ZFPM2: variants seen among roughly 807,000 people sequenced by gnomAD.
The protein encoded by ZFPM2 is zinc finger protein, FOG family member 2.
ZFPM2 carries 20 observed loss-of-function variants against 98.6 expected under a neutral mutation model. That is an observed-to-expected ratio of 0.20 (90% CI 0.14 to 0.29). The LOEUF is 0.29. Ranked by LOEUF, ZFPM2 falls within the 10% of genes least tolerant of loss-of-function variation. ZFPM2 has a pLI of 1.00. For missense variants in ZFPM2, 1,310 were observed against 1,388.6 expected, an observed-to-expected ratio of 0.94 and a Z score of 0.90; for synonymous variants, 518 against 502.7, an observed-to-expected ratio of 1.03 and a Z score of -0.41.
chr8:105,713,342 C>G (rs554329479), intron 5 of ZFPM2, among the ~76,000 whole-genome samples: 72 of 152,062 alleles, frequency 4.7e-4, no homozygotes, highest in Non-Finnish European at 9.6e-4. Flanking sequence ...AGTATTTGTT[C>G]ATGTCCTTTG....
intron 2 of ZFPM2, among the ~76,000 whole-genome samples, chr8:105,442,861 A>G (rs776930032): frequency 9.9e-5 from 15 of 151,364 alleles, no homozygotes; most frequent in Non-Finnish European, 1.5e-4. Context: ...AAAATTCTGT[A>G]TTTTCTAAGT....
At chr8:105,706,078 A>G (rs1811252909) in intron 5 of ZFPM2, among the ~76,000 whole-genome samples, 1 of 152,114 alleles carries the variant, frequency 6.6e-6, no homozygotes, top group South Asian at 2.1e-4. Flanking sequence ...ATTTATCCCC[A>G]TTTTATTGAT....
At chr8:105,646,861 A>C (rs1817058154) in intron 5 of ZFPM2, among the ~76,000 whole-genome samples, 1 of 152,126 alleles carries the variant, frequency 6.6e-6, no homozygotes. Context: ...CAGATGTCAT[A>C]TTAGCACCTG....
At chr8:105,798,653 A>G in intron 6 of ZFPM2, 71 bp from the exon 7 acceptor site, 1 of 1,386,244 alleles carries the variant, frequency 7.2e-7, no homozygotes, top group Non-Finnish European at 1.0e-6. Context: ...AAATTGAACT[A>G]AATGCTGCTT....
At chr8:105,641,863 G>A (rs9656867) in intron 5 of ZFPM2, among the ~76,000 whole-genome samples, 31,039 of 151,988 alleles carry the variant, frequency 0.2, 3,167 homozygotes, top group South Asian at 0.25. Flanking sequence ...TAGATGTGCT[G>A]TCCTATTTTG....
In ZFPM2 at chr8:105,465,107, A is replaced by G. The variant is rs558629213; in HGVS notation, c.301+20726A>G. Among the ~76,000 whole-genome samples, 5 of 152,012 alleles carry G rather than the reference A, an allele frequency of 3.3e-5. No homozygotes were observed. In the East Asian group the frequency reaches 9.7e-4, roughly 29 times the overall value. ...ATTTCACTTTCACTGAGTATACCAG[A>G]GTGATAATGACTGTAGGTAAGGAAA... On this transcript the variant is annotated intron_variant, in intron 3 of 7. Coordinates refer to ENST00000407775, the MANE Select transcript of ZFPM2 (RefSeq NM_012082.4).
At chr8:105,438,669 A>G (rs1255072778) in intron 2 of ZFPM2, among the ~76,000 whole-genome samples, 7 of 152,236 alleles carry the variant, frequency 4.6e-5, no homozygotes, top group Admixed American at 3.9e-4. Context: ...TGGAATGAAT[A>G]AGGGAGAACT....
intron 1 of ZFPM2, among the ~76,000 whole-genome samples, chr8:105,404,009 A>G (rs1402677887): frequency 3.3e-5 from 5 of 150,944 alleles, no homozygotes; most frequent in African/African-American, 9.9e-5. Flanking sequence ...AACAACAACA[A>G]CAACAACAAC....
At position 105,804,530 on chromosome 8, in the gene ZFPM2, T is replaced by C. The variant is rs550416470; in HGVS notation, c.*992T>C. 12 of 152,492 alleles carry C rather than the reference T, an allele frequency of 7.9e-5. No homozygotes were observed. Among genetic ancestry groups the C allele is most frequent in the Admixed American group, 6.6e-4 (10 of 15,264 alleles). The allele number at this position is 152,492 out of a possible 1,614,324, so 9.4% of individuals were successfully genotyped here. A position where few individuals can be genotyped will look rare whatever the true frequency, so the allele number is the denominator to read the frequency against. On this transcript the variant is annotated 3_prime_UTR_variant, in exon 8 of 8. Transcript: ENST00000407775. ...ATATGGATGGAATAAAATTCCAGAT[T>C]GTTGGAGAAGTTTGGCACACTTTTT...
In ZFPM2 at chr8:105,568,350, C is replaced by G. The variant is rs566105571; in HGVS notation, c.420+6869C>G. Among the ~76,000 whole-genome samples the G allele has an allele frequency of 2.6e-3, 398 of 151,570 alleles. 4 individuals carry two copies. Among genetic ancestry groups the G allele is most frequent in the Non-Finnish European group, 4.3e-3 (291 of 67,996 alleles). ...AATCCTAGTCCTCTGCCTCTCCTTT[C>G]GTACCTCTGCAGGGAGTCCATTCTC... is the stretch of plus-strand genomic sequence containing the variant. On this transcript the variant is annotated intron_variant, in intron 4 of 7. Coordinates refer to ENST00000407775, the MANE Select transcript of ZFPM2 (RefSeq NM_012082.4).
chr8:105,377,282 C>G (rs1172630292), intron 1 of ZFPM2, among the ~76,000 whole-genome samples: 1 of 152,038 alleles, frequency 6.6e-6, no homozygotes, highest in Non-Finnish European at 1.5e-5. Flanking sequence ...AGTTTATTAC[C>G]ATATTTTGCT....
rs559135916 is a variant in ZFPM2, at chr8:105,442,535, C to T, written c.200-1745C>T. On this transcript the variant is annotated intron_variant, in intron 2 of 7. Coordinates refer to ENST00000407775, the MANE Select transcript of ZFPM2 (RefSeq NM_012082.4). ...GCTCAATATTTTATGGAGGGAATTTCATTGGTGTTCATTCTGATAGTTCTG... is the reference window on the plus strand; with the variant it reads ...GCTCAATATTTTATGGAGGGAATTTTATTGGTGTTCATTCTGATAGTTCTG... Among the ~76,000 whole-genome samples the T allele has an allele frequency of 2.2e-3, 330 of 152,224 alleles. 1 individual carries two copies. Among genetic ancestry groups the T allele is most frequent in the Non-Finnish European group, 3.8e-3 (260 of 68,010 alleles).
chr8:105,321,731 C>T (rs922833175), intron 1 of ZFPM2, among the ~76,000 whole-genome samples: 4 of 152,184 alleles, frequency 2.6e-5, no homozygotes, highest in Non-Finnish European at 4.4e-5. Context: ...GCTGAAAGAG[C>T]ACCATTAATT....
At chr8:105,458,258 A>G (rs1482144961) in intron 3 of ZFPM2, among the ~76,000 whole-genome samples, 1 of 152,222 alleles carries the variant, frequency 6.6e-6, no homozygotes, top group Non-Finnish European at 1.5e-5. Flanking sequence ...GTCACATACA[A>G]GGAAGCAAAG....
intron 3 of ZFPM2, among the ~76,000 whole-genome samples, chr8:105,531,600 G>A (rs1056854097): frequency 6.6e-6 from 1 of 152,122 alleles, no homozygotes; most frequent in African/African-American, 2.4e-5. Flanking sequence ...GAGGTATTGA[G>A]AGTTAGGATT....
At chr8:105,430,448 A>G (rs532782964) in intron 2 of ZFPM2, among the ~76,000 whole-genome samples, 1 of 152,278 alleles carries the variant, frequency 6.6e-6, no homozygotes, top group East Asian at 1.9e-4. Flanking sequence ...CTGAATTCCA[A>G]ATCTATTATC....
At chr8:105,604,186 A>C (rs1001773448) in intron 4 of ZFPM2, among the ~76,000 whole-genome samples, 2 of 151,972 alleles carry the variant, frequency 1.3e-5, no homozygotes, top group African/African-American at 4.8e-5. Context: ...ATCATCATTC[A>C]TCCAGTTTTT....
chr8:105,668,186 A>G (rs1210036026), intron 5 of ZFPM2, among the ~76,000 whole-genome samples: 1 of 152,330 alleles, frequency 6.6e-6, no homozygotes, highest in East Asian at 1.9e-4. Context: ...AAATTGGGAA[A>G]TGGCTCAGGT....
chr8:105,750,942 G>T (rs1812461218), intron 5 of ZFPM2, among the ~76,000 whole-genome samples: 1 of 152,062 alleles, frequency 6.6e-6, no homozygotes, highest in African/African-American at 2.4e-5. Context: ...CCCTTTGTCT[G>T]AGGGAGACTG....
Sources: gnomAD v4.1 joint callset for allele counts (sites outside exome capture counted in the v4.1 genomes callset) on GRCh38, gnomAD v4.1.1 for gene constraint, MANE v1.5 for transcripts, NCBI Gene and HGNC (gene_info 2026-07-23, HGNC 2026-07-21) for gene names.